RIT2: variants seen among roughly 807,000 people sequenced by gnomAD.
RIT2 encodes Ras like without CAAX 2, also known as GTP-binding protein Rit2.
A neutral mutation model predicts 23.7 loss-of-function variants in RIT2; 24 were observed. The ratio of observed to expected loss-of-function variants is 1.01; its 90% CI spans 0.73 to 1.43. The LOEUF (loss-of-function observed/expected upper bound fraction) is 1.43, where lower values mean the gene tolerates loss of function less well. Among genes scored for constraint, RIT2 ranks in the 40% most tolerant of loss-of-function variants. The probability of loss-of-function intolerance (pLI) is 0.00; values close to 1 mark genes in which losing one functional copy is unlikely to be tolerated. For synonymous variants in RIT2, 107 were observed against 91.1 expected, an observed-to-expected ratio of 1.17 and a Z score of -0.99; for missense variants, 236 against 266.9, an observed-to-expected ratio of 0.88 and a Z score of 0.81.
intron 4 of RIT2, among the ~76,000 whole-genome samples, chr18:42,749,514 G>T (rs533649497): frequency 4.6e-5 from 7 of 151,530 alleles, no homozygotes; most frequent in African/African-American, 1.2e-4. Flanking sequence ...TGGAGAAGAC[G>T]AAATCAAACA....
At chr18:42,822,135 C>G (rs779947421) in intron 4 of RIT2, among the ~76,000 whole-genome samples, 2 of 152,140 alleles carry the variant, frequency 1.3e-5, no homozygotes, top group African/African-American at 4.8e-5. Flanking sequence ...ATATGAGACA[C>G]TGCCTAATAC....
chr18:42,902,301 T>G (rs981527318), intron 4 of RIT2, among the ~76,000 whole-genome samples: 27 of 151,488 alleles, frequency 1.8e-4, no homozygotes, highest in African/African-American at 6.5e-4. Context: ...GCCTATAACA[T>G]TTTTTTTAAT....
At chr18:42,956,018 G>T (rs1301446373) in intron 3 of RIT2, among the ~76,000 whole-genome samples, 1 of 152,000 alleles carries the variant, frequency 6.6e-6, no homozygotes, top group African/African-American at 2.4e-5. Flanking sequence ...ATCACCTCGG[G>T]GTGCTTAAAA....
chr18:42,978,638 T>C (rs1031742525), intron 2 of RIT2, among the ~76,000 whole-genome samples: 4 of 152,132 alleles, frequency 2.6e-5, no homozygotes, highest in African/African-American at 9.7e-5. Context: ...GCCTGCTGTA[T>C]CATTTGCGCA....
chr18:43,075,819 G>T (rs1159691910), intron 1 of RIT2, among the ~76,000 whole-genome samples: 2 of 152,034 alleles, frequency 1.3e-5, no homozygotes, highest in Non-Finnish European at 2.9e-5. Flanking sequence ...AAATGCCCTT[G>T]CCTTTTTCAA....
intron 2 of RIT2, among the ~76,000 whole-genome samples, chr18:43,033,504 T>C (rs1055995938): frequency 2.6e-5 from 4 of 152,134 alleles, no homozygotes; most frequent in African/African-American, 9.7e-5. Flanking sequence ...AATTTTATTA[T>C]CCAGAGAAAC....
At chr18:42,795,458 C>T (rs1905315693) in intron 4 of RIT2, among the ~76,000 whole-genome samples, 1 of 152,222 alleles carries the variant, frequency 6.6e-6, no homozygotes, top group Non-Finnish European at 1.5e-5. Context: ...CGGGACTTAG[C>T]TGCCTTCCCG....
At chr18:42,789,768 C>T (rs1196177325) in intron 4 of RIT2, among the ~76,000 whole-genome samples, 6 of 152,182 alleles carry the variant, frequency 3.9e-5, no homozygotes, top group African/African-American at 7.2e-5. Flanking sequence ...ACATCATCAG[C>T]AGAGATAATT....
In RIT2 at chr18:42,930,330, A is replaced by G. The variant is rs114643164; in HGVS notation, c.235-6567T>C. 7.0e-3 allele frequency among the ~76,000 whole-genome samples: 1,063 copies of G among 152,194 alleles called. 18 individuals carry two copies. The highest frequency in any genetic ancestry group is 0.025 in the African/African-American group (1,019 of 41,534). On this transcript the variant is annotated intron_variant, in intron 3 of 4. Coordinates refer to ENST00000326695, the MANE Select transcript of RIT2 (RefSeq NM_002930.4). ...TAATTCTGAAGTGAGGTTTCACAAA[A>G]GGAGAAAGAAAAGGGGGGAAATCCT... is the stretch of plus-strand genomic sequence containing the variant.
In RIT2 at chr18:42,888,106, C is replaced by T. The variant is rs1908070199; in HGVS notation, c.426+35466G>A. ...ATGCCACCATGGATTTGTCAAAATA[C>T]ATAGGAAGTACAACACCGAGAGCAA... On this transcript the variant is annotated intron_variant, in intron 4 of 4. Coordinates refer to ENST00000326695, the MANE Select transcript of RIT2 (RefSeq NM_002930.4). Among the ~76,000 whole-genome samples the T allele has an allele frequency of 2.0e-5, 3 of 151,918 alleles. No homozygotes were observed. The South Asian group carries it at 6.3e-4, about 32-fold the overall frequency.
chr18:42,959,543 A>G (rs532182040), intron 3 of RIT2, among the ~76,000 whole-genome samples: 131 of 152,210 alleles, frequency 8.6e-4, no homozygotes, highest in African/African-American at 3.1e-3. Context: ...TCCTTTTTCA[A>G]TTTACATGTT....
intron 1 of RIT2, among the ~76,000 whole-genome samples, chr18:43,061,669 G>T (rs535784259): frequency 2.0e-5 from 3 of 151,894 alleles, no homozygotes; most frequent in Admixed American, 6.6e-5. Context: ...TTCCAAGACC[G>T]TCCACAGACC....
chr18:42,826,301 C>T (rs1421725980), intron 4 of RIT2, among the ~76,000 whole-genome samples: 1 of 151,998 alleles, frequency 6.6e-6, no homozygotes, highest in African/African-American at 2.4e-5. Flanking sequence ...AGACCATTCA[C>T]GTATTAAGTG....
intron 4 of RIT2, among the ~76,000 whole-genome samples, chr18:42,833,948 T>C (rs1292225550): frequency 6.6e-6 from 1 of 152,186 alleles, no homozygotes; most frequent in Admixed American, 6.5e-5. Context: ...CATTATGTTG[T>C]TGTTATTGTT....
chr18:42,858,659 T>G (rs1907249548), intron 4 of RIT2, among the ~76,000 whole-genome samples: 1 of 152,340 alleles, frequency 6.6e-6, no homozygotes, highest in Admixed American at 6.5e-5. Context: ...AGAACATCAT[T>G]ATCGCATTCA....
chr18:42,976,930 G>A (rs1046704993), intron 2 of RIT2, among the ~76,000 whole-genome samples: 1 of 152,042 alleles, frequency 6.6e-6, no homozygotes, highest in Non-Finnish European at 1.5e-5. Flanking sequence ...AGAAACTATA[G>A]CACTTAGTGA....
At chr18:43,015,918 T>C (rs567842771) in intron 2 of RIT2, among the ~76,000 whole-genome samples, 1 of 151,924 alleles carries the variant, frequency 6.6e-6, no homozygotes, top group Non-Finnish European at 1.5e-5. Flanking sequence ...GTGCTGATAC[T>C]TGTAACCCCT....
intron 3 of RIT2, among the ~76,000 whole-genome samples, chr18:42,944,801 T>C (rs1037506357): frequency 1.3e-5 from 2 of 152,142 alleles, no homozygotes; most frequent in African/African-American, 2.4e-5. Context: ...AGAATCTTTT[T>C]AGATTAATAC....
At chr18:42,804,571 AAAAAAAAAAAAAAAATTG>A (rs890575668) in intron 4 of RIT2, among the ~76,000 whole-genome samples, 3 of 147,530 alleles carry the variant, frequency 2.0e-5, no homozygotes, top group African/African-American at 7.6e-5. Context: ...TAAAAAAAAA[AAAAAAAAAAAAAAAATTG>A]AAAAAAAAAG....
Sources: allele counts gnomAD v4.1 joint callset (sites outside exome capture counted in the v4.1 genomes callset), GRCh38; gene constraint gnomAD v4.1.1; transcripts MANE v1.5; gene names NCBI Gene and HGNC (gene_info 2026-07-23, HGNC 2026-07-21).